Variants in POLE observed in about 807,000 individuals in gnomAD.
POLE encodes DNA polymerase epsilon, catalytic subunit, also known as DNA polymerase epsilon catalytic subunit A.
POLE carries 188 observed loss-of-function variants against 279.2 expected under a neutral mutation model. That is an observed-to-expected ratio of 0.67 (90% confidence interval 0.60 to 0.76). POLE has a LOEUF of 0.76. Ranked by LOEUF, POLE falls within the 30% of genes least tolerant of loss-of-function variation. POLE has a pLI of 0.00. For missense variants in POLE, 2,703 were observed against 3,016.7 expected (o/e 0.90, Z 2.44); for synonymous variants, 1,214 against 1,172.5 (o/e 1.04, Z -0.72).
At chr12:132,635,095 T>C (rs1048220005) in intron 42 of POLE, among the ~76,000 whole-genome samples, 1 of 152,094 alleles carries the variant, frequency 6.6e-6, no homozygotes, top group Non-Finnish European at 1.5e-5. Flanking sequence ...TGAGGGCCCC[T>C]GTGGAGGACA....
At chr12:132,645,792 A>C (rs2042268591) in intron 32 of POLE, among the ~76,000 whole-genome samples, 1 of 104,144 alleles carries the variant, frequency 9.6e-6, no homozygotes, top group Admixed American at 9.7e-5. Flanking sequence ...ACCGACACAC[A>C]CACACACCCA....
In POLE at chr12:132,639,106, A is replaced by AG. The variant is rs762928316; in HGVS notation, c.5552+18dup. ...CAGCTGAGGACGCGGTGGACAGCCCAGGGAGGAGGAGCACTCACTGCAGGA... is the reference window on the plus strand; with the variant it reads ...CAGCTGAGGACGCGGTGGACAGCCCAGGGGAGGAGGAGCACTCACTGCAGGA... On this transcript the variant is annotated intron_variant, in intron 40 of 48. Transcript: ENST00000320574. The surrounding 1 kb of genome is among the most constrained non-coding windows in gnomAD (Gnocchi z 4.7). 1.6e-5 allele frequency: 26 copies of AG among 1,612,730 alleles called. No individual in the cohort carries two copies. In the African/African-American group the frequency reaches 2.8e-4, roughly 17 times the overall value.
intron 42 of POLE, 31 bp downstream of exon 42, chr12:132,635,861 T>C (rs373607180): frequency 6.3e-6 from 10 of 1,589,090 alleles, no homozygotes; most frequent in Non-Finnish European, 8.6e-6. Flanking sequence ...CCCCCAAAGC[T>C]GGCTCGGGTG....
At chr12:132,657,094 A>C (rs763536387) in intron 29 of POLE, 42 bp downstream of exon 29, 9 of 1,607,660 alleles carry the variant, frequency 5.6e-6, no homozygotes, top group Non-Finnish European at 7.7e-6. Context: ...CCTGTGTGTC[A>C]CAAGGATCCC....
At chr12:132,632,873 G>T in intron 43 of POLE, 78 bp from the exon 44 acceptor site, 5 of 1,467,082 alleles carry the variant, frequency 3.4e-6, no homozygotes, top group Non-Finnish European at 4.5e-6. Flanking sequence ...ACCCATGGCT[G>T]GTCAGATTGC....
At chr12:132,682,531 G>A (rs182800774) in intron 1 of POLE, among the ~76,000 whole-genome samples, 4 of 151,946 alleles carry the variant, frequency 2.6e-5, no homozygotes, top group East Asian at 1.9e-4. Context: ...TAGATGGGTC[G>A]TCTCAATGTC....
chr12:132,636,250 C>A (rs1175012262), intron 41 of POLE, among the ~76,000 whole-genome samples: 1 of 152,016 alleles, frequency 6.6e-6, no homozygotes, highest in East Asian at 1.9e-4. Flanking sequence ...GAGCTGGGTG[C>A]CTCCTCGTGC....
chr12:132,642,693 A>C lies in POLE; in HGVS notation c.4765T>G (p.Ser1589Ala). The stretch of plus-strand genomic sequence containing the variant: ...GCCAGCCTCTTCAGCTCCCAGCTGG[A>C]CTGAACAGCGATGAGTGTGGGCCCC... ...RRGPTLIAVQ[S>A]SWELKRLASE... Residue 1589 changes from serine (S) to alanine (A), a missense_variant, in exon 37 of 49, where the codon TCC becomes GCC. This residue lies in a region of POLE where 1,551 missense variants were observed against 1,686.1 expected (regional missense o/e 0.92). Coordinates refer to ENST00000320574, the MANE Select transcript of POLE (RefSeq NM_006231.4). The C allele has an allele frequency of 6.2e-7, 1 of 1,613,928 alleles. No homozygotes were observed.
rs116825402 is a variant in POLE, at chr12:132,679,078, C to T, written c.578+419G>A. Reference sequence around the variant, plus strand: ...TTTGCATCCTATTATTGTTGATGCTCAAATACTTGAAGAACAGTGTTTAGT... The same window carrying T: ...TTTGCATCCTATTATTGTTGATGCTTAAATACTTGAAGAACAGTGTTTAGT... On this transcript the variant is annotated intron_variant, in intron 6 of 48. Transcript: ENST00000320574. Among the ~76,000 whole-genome samples, 129 of 152,300 alleles carry T rather than the reference C, an allele frequency of 8.5e-4. 1 individual carries two copies. Among genetic ancestry groups the T allele is most frequent in the African/African-American group, 3.0e-3 (124 of 41,564 alleles).
chr12:132,643,016 G>A lies in POLE; in HGVS notation c.4552-20C>T, dbSNP rs528196394. Reference sequence around the variant, plus strand: ...GCGCACCTAGACCAACGCAGGCCACGTCAGCCTCCCCCTGCGCAGGAGGAA... The same window carrying A: ...GCGCACCTAGACCAACGCAGGCCACATCAGCCTCCCCCTGCGCAGGAGGAA... On this transcript the variant is annotated intron_variant, in intron 35 of 48. Transcript: ENST00000320574. 11 of 1,575,108 alleles carry A rather than the reference G, an allele frequency of 7.0e-6. No individual in the cohort carries two copies. Among genetic ancestry groups the A allele is most frequent in the Middle Eastern group, 1.7e-4 (1 of 5,762 alleles).
intron 32 of POLE, among the ~76,000 whole-genome samples, chr12:132,644,377 G>C (rs1488926448): frequency 6.8e-6 from 1 of 146,808 alleles, no homozygotes; most frequent in African/African-American, 2.6e-5. Flanking sequence ...TGAGGCCCAG[G>C]CTGGTCTCAA....
In POLE at chr12:132,634,214, G is replaced by C. The variant is rs2041989320; in HGVS notation, c.5976C>G (p.Cys1992Trp). ...AAACAATCATGAGGAAGTAGTTCTG[G>C]CAGGAGGCTGCCTGTGGCAAAAACT... ...ILQFLPQAAS[C>W]QNYFLMIVSA... Residue 1992 changes from cysteine (C) to tryptophan (W), a missense_variant, in exon 43 of 49, where the codon TGC becomes TGG. Physicochemically the swap from Cys to Trp is radical, Grantham distance 215. Coordinates refer to ENST00000320574, the MANE Select transcript of POLE (RefSeq NM_006231.4). This position sits in a 1 kb window ranked among gnomAD's most constrained non-coding sequence, Gnocchi z 4.0. 1.9e-6 allele frequency: 3 copies of C among 1,613,666 alleles called. No homozygotes were observed. The highest frequency in any genetic ancestry group is 1.7e-6 in the Non-Finnish European group (2 of 1,179,654).
chr12:132,664,952 G>A lies in POLE; in HGVS notation c.2468+350C>T, dbSNP rs898027306. Among the ~76,000 whole-genome samples, 4 of 139,180 alleles carry A rather than the reference G, an allele frequency of 2.9e-5. No homozygotes were observed. In the East Asian group the frequency reaches 7.3e-4, roughly 25 times the overall value. 91.3% of individuals were successfully genotyped at this position (139,180 alleles called of 152,430 possible). ...TTGCTTCTCTGCCCCTCCCGGACAC[G>A]CAGACATGCTGTGAAGCAACTGCCC... On this transcript the variant is annotated intron_variant, in intron 21 of 48. Coordinates refer to ENST00000320574, the MANE Select transcript of POLE (RefSeq NM_006231.4). The surrounding 1 kb of genome is among the most constrained non-coding windows in gnomAD (Gnocchi z 5.3).
chr12:132,681,238 A>T lies in POLE; in HGVS notation c.104T>A (p.Leu35Gln), dbSNP rs2043161231. Residue 35 changes from leucine (L) to glutamine (Q), a missense_variant, in exon 2 of 49, where the codon CTG becomes CAG. Leu to Gln is a moderately radical substitution (Grantham distance 113). Around this residue, in one of 5 missense-constraint regions of POLE, gnomAD observed 1,011 missense variants for 1,111.7 expected, o/e 0.91. Transcript: ENST00000320574. ...CTTATCCGTCCACTGACTCCGTTCCAGGCGCTTGAGTGCCGAAACTGAGGA... is the reference window on the plus strand; with the variant it reads ...CTTATCCGTCCACTGACTCCGTTCCTGGCGCTTGAGTGCCGAAACTGAGGA... Reference protein sequence around the residue: ...ATSSVSALKRLERSQWTDKMD... With the variant: ...ATSSVSALKRQERSQWTDKMD... 4 of 1,614,202 alleles carry T rather than the reference A, an allele frequency of 2.5e-6. No individual in the cohort carries two copies. Among genetic ancestry groups the T allele is most frequent in the Non-Finnish European group, 3.4e-6 (4 of 1,180,032 alleles).
chr12:132,643,396 G>A lies in POLE; in HGVS notation c.4444+11C>T, dbSNP rs2138549207. 1 of 1,614,250 alleles carries A rather than the reference G, an allele frequency of 6.2e-7. No homozygotes were observed. Among genetic ancestry groups the A allele is most frequent in the South Asian group, 1.1e-5 (1 of 91,086 alleles). ...GGCAGGCACATGATGGGCGGCTGGT[G>A]CAGGCCATACCTGGTTCCAGGTAGC... On this transcript the variant is annotated intron_variant, in intron 34 of 48. Coordinates refer to ENST00000320574, the MANE Select transcript of POLE (RefSeq NM_006231.4).
intron 26 of POLE, 24 bp downstream of exon 26, chr12:132,659,271 C>T (rs201466650): frequency 6.2e-7 from 1 of 1,608,496 alleles, no homozygotes; most frequent in Admixed American, 1.7e-5. Context: ...GCCCTCACCT[C>T]TCCGTGATGG....
chr12:132,672,590 G>A lies in POLE; in HGVS notation c.1686+37C>T, dbSNP rs760067221. The A allele has an allele frequency of 1.3e-6, 2 of 1,593,126 alleles. No individual in the cohort carries two copies. The highest frequency in any genetic ancestry group is 3.3e-5 in the Admixed American group (2 of 59,986). ...GCTTCTGGGTCCTACCACAGCACAA[G>A]AGTGGGAAGAATCTGAATCCCAGGG... On this transcript the variant is annotated intron_variant, in intron 15 of 48. Transcript: ENST00000320574.
At position 132,623,784 on chromosome 12, in the gene POLE, A is replaced by G. The variant is rs5745092; in HGVS notation, c.*913T>C. ...AGAGAAACTTCAGTATGAAATACAA[A>G]TAAAAACAAAGTGTAGCAGCGATGG... is the stretch of plus-strand genomic sequence containing the variant. On this transcript the variant is annotated 3_prime_UTR_variant, in exon 49 of 49. Transcript: ENST00000320574. 291 of 185,088 alleles carry G rather than the reference A, an allele frequency of 1.6e-3. 2 individuals are homozygous for G. The highest frequency in any genetic ancestry group is 6.6e-3 in the African/African-American group (280 of 42,748). 11.5% of individuals were successfully genotyped at this position (185,088 alleles called of 1,614,324 possible).
chr12:132,630,537 G>A (rs111822775), intron 45 of POLE, among the ~76,000 whole-genome samples: 4 of 152,200 alleles, frequency 2.6e-5, no homozygotes, highest in African/African-American at 9.6e-5. Flanking sequence ...ATCACTTGAG[G>A]TCAGGAGTTC....
Sources: gnomAD v4.1 joint callset for allele counts (sites outside exome capture counted in the v4.1 genomes callset) on GRCh38, gnomAD v4.1.1 for gene constraint, gnomAD v4.1.1 regional missense constraint, Gnocchi (gnomAD v3.1) non-coding constraint, MANE v1.5 for transcripts, NCBI Gene and HGNC (gene_info 2026-07-23, HGNC 2026-07-21) for gene names.